Variants in CDK15 observed in about 807,000 individuals in gnomAD.
The protein encoded by CDK15 is cyclin-dependent kinase 15.
A neutral mutation model predicts 60.3 loss-of-function variants in CDK15; 62 were observed. The observed-to-expected ratio is 1.03, with a 90% CI of 0.84 to 1.27. The LOEUF is 1.27. CDK15 is among the 50% of genes most tolerant of loss of function. The probability of loss-of-function intolerance (pLI) is 0.00; values close to 1 mark genes in which losing one functional copy is unlikely to be tolerated. For synonymous variants in CDK15, 194 were observed against 195.7 expected, an observed-to-expected ratio of 0.99 and a Z score of 0.07; for missense variants, 541 against 527.8, an observed-to-expected ratio of 1.03 and a Z score of -0.25.
In CDK15 at chr2:201,807,197, G is replaced by GA. The variant is rs796775970; in HGVS notation, c.124-287dup. Among the ~76,000 whole-genome samples, 268 of 145,660 alleles carry GA rather than the reference G, an allele frequency of 1.8e-3. 1 individual carries two copies. The highest frequency in any genetic ancestry group is 4.6e-3 in the South Asian group (21 of 4,584). ...CTACAGCAATAAATTAAGTGGACAT[G>GA]AAAAAAAAAAGCCAGACTTAAACAG... On this transcript the variant is annotated intron_variant, in intron 1 of 13. Transcript: ENST00000652192.
chr2:201,869,314 G>C (rs999131611), intron 10 of CDK15, among the ~76,000 whole-genome samples: 3 of 151,874 alleles, frequency 2.0e-5, no homozygotes, highest in East Asian at 1.9e-4. Flanking sequence ...TCACTCACAG[G>C]GGGGAATTGA....
intron 9 of CDK15, among the ~76,000 whole-genome samples, chr2:201,850,026 T>C (rs1697838617): frequency 6.6e-6 from 1 of 152,202 alleles, no homozygotes; most frequent in Admixed American, 6.5e-5. Flanking sequence ...GGTTTCACCA[T>C]GTTGGTCAGG....
At chr2:201,868,429 C>T (rs1328226593) in intron 10 of CDK15, among the ~76,000 whole-genome samples, 7 of 152,054 alleles carry the variant, frequency 4.6e-5, no homozygotes, top group African/African-American at 4.8e-5. Flanking sequence ...TGCCTGGCCA[C>T]GCATTGTTTA....
chr2:201,859,878 T>C (rs771778670), intron 10 of CDK15, among the ~76,000 whole-genome samples: 1 of 152,220 alleles, frequency 6.6e-6, no homozygotes, highest in Non-Finnish European at 1.5e-5. Context: ...TACAGAATCA[T>C]GTAGAGCTTT....
intron 10 of CDK15, chr2:201,860,971 T>C: frequency 8.2e-7 from 1 of 1,224,742 alleles, no homozygotes; most frequent in South Asian, 1.4e-5. Context: ...AGTCTCTGTG[T>C]TTGCTGTGAG....
chr2:201,860,698 G>C lies in CDK15; in HGVS notation c.1009+5761G>C, dbSNP rs769328857. On this transcript the variant is annotated intron_variant, in intron 10 of 13. Coordinates refer to ENST00000652192, the MANE Select transcript of CDK15 (RefSeq NM_001366386.2). ...TAAGCGACAGGCCAAGGGATGCCCA[G>C]TTGTTTTTCAGTATGCTTGCTTTAT... is the stretch of plus-strand genomic sequence containing the variant. 3 of 1,351,838 alleles carry C rather than the reference G, an allele frequency of 2.2e-6. No individual in the cohort carries two copies. In the African/African-American group the frequency reaches 4.4e-5, roughly 20 times the overall value. The allele number at this position is 1,351,838 out of a possible 1,614,324, so 83.7% of individuals were successfully genotyped here.
rs199559596 is a variant in CDK15, at chr2:201,835,294, C to T, written c.731-349C>T. Among the ~76,000 whole-genome samples, 8 of 152,288 alleles carry T rather than the reference C, an allele frequency of 5.3e-5. No individual in the cohort carries two copies. The East Asian group carries it at 1.5e-3, about 29-fold the overall frequency. ...GTTTCAAGATGGCTGCCACTTCCTG[C>T]TCATCACAGCCCAGAGGAGGGAGAA... On this transcript the variant is annotated intron_variant, in intron 7 of 13. Coordinates refer to ENST00000652192, the MANE Select transcript of CDK15 (RefSeq NM_001366386.2).
chr2:201,813,483 T>C (rs951233947), intron 4 of CDK15, among the ~76,000 whole-genome samples: 5 of 152,364 alleles, frequency 3.3e-5, no homozygotes, highest in African/African-American at 1.2e-4. Context: ...TTTCTCCCAC[T>C]TTTAACTACT....
intron 3 of CDK15, among the ~76,000 whole-genome samples, chr2:201,808,447 G>A (rs1695611847): frequency 1.3e-5 from 2 of 152,164 alleles, no homozygotes; most frequent in African/African-American, 4.8e-5. Flanking sequence ...ATAAATCCTA[G>A]ATTTTTTATA....
chr2:201,882,170 T>TGTGTAGGTGTGTATATGTGTGTGTGC lies in CDK15; in HGVS notation c.1198+2008_1198+2009insGGTGTGTATATGTGTGTGTGCGTGTA, dbSNP rs1699301242. 6.6e-6 allele frequency among the ~76,000 whole-genome samples: 1 copy of TGTGTAGGTGTGTATATGTGTGTGTGC among 151,950 alleles called. No homozygotes were observed. Among genetic ancestry groups the TGTGTAGGTGTGTATATGTGTGTGTGC allele is most frequent in the East Asian group, 1.9e-4 (1 of 5,176 alleles). ...TGGTGCATGGGTATCTAAGGTTGTG[T>TGTGTAGGTGTGTATATGTGTGTGTGC]GTGTATGTGTGTATATGTGTGTGTG... On this transcript the variant is annotated intron_variant, in intron 12 of 13. Coordinates refer to ENST00000652192, the MANE Select transcript of CDK15 (RefSeq NM_001366386.2). This position sits in a 1 kb window ranked among gnomAD's most constrained non-coding sequence, Gnocchi z 4.0.
chr2:201,838,774 T>A (rs1185063221), intron 8 of CDK15, among the ~76,000 whole-genome samples: 2 of 152,180 alleles, frequency 1.3e-5, no homozygotes, highest in Non-Finnish European at 2.9e-5. Context: ...ACATAATCCG[T>A]ACTGTCCTAT....
chr2:201,891,250 A>G (rs1212612236), intron 13 of CDK15, among the ~76,000 whole-genome samples: 1 of 152,222 alleles, frequency 6.6e-6, no homozygotes, highest in Non-Finnish European at 1.5e-5. Flanking sequence ...CAGTGAGCCA[A>G]GATCGCACCA....
chr2:201,834,115 G>A (rs780134250), intron 7 of CDK15, 144 bp downstream of exon 7: 1 of 1,036,564 alleles, frequency 9.6e-7, no homozygotes, highest in Non-Finnish European at 1.3e-6. Context: ...TACCACAAAG[G>A]AAGTGTGAGG....
At position 201,862,246 on chromosome 2, in the gene CDK15, G is replaced by C. The variant is rs577301102; in HGVS notation, c.1009+7309G>C. 5.9e-5 allele frequency among the ~76,000 whole-genome samples: 9 copies of C among 152,272 alleles called. 1 individual carries two copies. In the South Asian group the frequency reaches 1.9e-3, roughly 32 times the overall value. ...TTGTCATCTACATGCTACATAATGG[G>C]TATCTAGTAAGGGCTACTAAATCAC... On this transcript the variant is annotated intron_variant, in intron 10 of 13. Coordinates refer to ENST00000652192, the MANE Select transcript of CDK15 (RefSeq NM_001366386.2).
intron 6 of CDK15, among the ~76,000 whole-genome samples, chr2:201,833,106 G>C (rs1251966550): frequency 6.6e-6 from 1 of 151,820 alleles, no homozygotes; most frequent in Non-Finnish European, 1.5e-5. Context: ...TTTTAATTTG[G>C]GGCTCAGAAT....
chr2:201,877,136 C>T (rs888820157), intron 11 of CDK15, among the ~76,000 whole-genome samples: 9 of 152,296 alleles, frequency 5.9e-5, no homozygotes, highest in African/African-American at 2.2e-4. Flanking sequence ...GCCCCTAATA[C>T]CCCTGTAAAC....
intron 6 of CDK15, among the ~76,000 whole-genome samples, chr2:201,826,701 A>G (rs1202326277): frequency 6.6e-6 from 1 of 152,218 alleles, no homozygotes; most frequent in East Asian, 1.9e-4. Flanking sequence ...GTGGTTAGCA[A>G]CCTGCATTTT....
In CDK15 at chr2:201,883,212, G is replaced by A. The variant is rs1048432786; in HGVS notation, c.1198+3045G>A. Among the ~76,000 whole-genome samples the A allele has an allele frequency of 3.3e-5, 5 of 152,178 alleles. No individual in the cohort carries two copies. The South Asian group carries it at 1.0e-3, about 32-fold the overall frequency. On this transcript the variant is annotated intron_variant, in intron 12 of 13. Coordinates refer to ENST00000652192, the MANE Select transcript of CDK15 (RefSeq NM_001366386.2). ...TTTATTCTGGTTGCAGGATAACAGA[G>A]TTGTCACTTTAAAATATATTCTGTT...
intron 12 of CDK15, chr2:201,889,487 C>T (rs1459180722): frequency 2.2e-6 from 2 of 899,112 alleles, no homozygotes; most frequent in African/African-American, 3.6e-5. Context: ...CTTCTTTAAA[C>T]TTACAGCAAT....
Sources: gnomAD v4.1 joint callset for allele counts (sites outside exome capture counted in the v4.1 genomes callset) on GRCh38, gnomAD v4.1.1 for gene constraint, Gnocchi (gnomAD v3.1) non-coding constraint, MANE v1.5 for transcripts, NCBI Gene and HGNC (gene_info 2026-07-23, HGNC 2026-07-21) for gene names.